The following CBLB variants were observed in gnomAD, a reference collection of about 807,000 sequenced individuals.
The protein encoded by CBLB is E3 ubiquitin-protein ligase CBL-B.
Under a neutral mutation model 104.9 loss-of-function variants are expected in CBLB, and 31 were observed. That is an observed-to-expected ratio of 0.30 (90% CI 0.22 to 0.40). The LOEUF (loss-of-function observed/expected upper bound fraction) is 0.40, where lower values mean the gene tolerates loss of function less well. Ranked by LOEUF, CBLB falls within the 10% of genes least tolerant of loss-of-function variation. The pLI is 1.00. For missense variants in CBLB, 1,062 were observed against 1,214.6 expected (o/e 0.87, Z 1.87); for synonymous variants, 440 against 422.6 (o/e 1.04, Z -0.51).
chr3:105,788,576 T>C (rs1025237092), intron 3 of CBLB, among the ~76,000 whole-genome samples: 3 of 152,230 alleles, frequency 2.0e-5, no homozygotes, highest in African/African-American at 7.2e-5. Context: ...ACTTAGTAAC[T>C]AGATGACCTC....
Position 105,839,456 on chromosome 3 carries a change from A to G in CBLB, c.419+13958T>C, listed in dbSNP as rs769406240. ...TTGCCTTTAGAAGATCACAATGGTA[A>G]TTCACAAAGAACTGCTGGCAGAGAT... On this transcript the variant is annotated intron_variant, in intron 3 of 18. Coordinates refer to ENST00000394030, the MANE Select transcript of CBLB (RefSeq NM_170662.5). 67 of 152,242 alleles carry G rather than the reference A, an allele frequency of 4.4e-4. 1 individual carries two copies. The highest frequency in any genetic ancestry group is 1.2e-3 in the Admixed American group (19 of 15,294). 9.4% of individuals were successfully genotyped at this position (152,242 alleles called of 1,614,324 possible). A position where few individuals can be genotyped will look rare whatever the true frequency, so the allele number is the denominator to read the frequency against.
chr3:105,666,024 C>CAA (rs34981931), intron 18 of CBLB, among the ~76,000 whole-genome samples: 3 of 130,210 alleles, frequency 2.3e-5, no homozygotes, highest in Non-Finnish European at 3.3e-5. Context: ...AGACTCGTCT[C>CAA]AAAAAAAAAA....
At chr3:105,661,198 C>T (rs2063760004) in intron 18 of CBLB, among the ~76,000 whole-genome samples, 1 of 152,062 alleles carries the variant, frequency 6.6e-6, no homozygotes, top group Admixed American at 6.6e-5. Flanking sequence ...TTAAAGTATG[C>T]CCATATATAA....
rs748358316 is a variant in CBLB, at chr3:105,853,469, T to C, written c.364A>G (p.Ile122Val). 9 of 1,613,226 alleles carry C rather than the reference T, an allele frequency of 5.6e-6. No individual in the cohort carries two copies. The highest frequency in any genetic ancestry group is 2.2e-5 in the East Asian group (1 of 44,810). ...TCCTTGCCTTCTTTAAAGAGTCTTATTGCCCGTTTTGACTTTTTCATAAGG... is the reference window on the plus strand; with the variant it reads ...TCCTTGCCTTCTTTAAAGAGTCTTACTGCCCGTTTTGACTTTTTCATAAGG... The part of the protein sequence containing the change: ...DSLMKKSKRA[I>V]RLFKEGKERM... Residue 122 changes from isoleucine (I) to valine (V), a missense_variant, in exon 3 of 19, where the codon ATA (isoleucine) becomes GTA (valine). This residue lies in a region of CBLB where 457 missense variants were observed against 632.0 expected (regional missense o/e 0.72). Transcript: ENST00000394030.
At position 105,868,288 on chromosome 3, in the gene CBLB, G is replaced by A. The variant is rs1260815275; in HGVS notation, c.-15+448C>T. ...ACAAGAGCGGCCACGGAAAGGAGGA[G>A]TTCACTTCTCTGGCTCCTCGCCTCT... On this transcript the variant is annotated intron_variant, in intron 1 of 18. Coordinates refer to ENST00000394030, the MANE Select transcript of CBLB (RefSeq NM_170662.5). The A allele has an allele frequency of 6.2e-6, 7 of 1,134,446 alleles. No individual in the cohort carries two copies. The African/African-American group carries it at 1.1e-4, about 18-fold the overall frequency. The allele number at this position is 1,134,446 out of a possible 1,614,324, so 70.3% of individuals were successfully genotyped here.
chr3:105,798,855 A>G lies in CBLB; in HGVS notation c.420-22313T>C, dbSNP rs2082524830. ...AAAATCTCCTAACTGCCTGCCTTAT[A>G]TGTGTGTGAGACAGAGGGGGTCAGG... On this transcript the variant is annotated intron_variant, in intron 3 of 18. Transcript: ENST00000394030. Among the ~76,000 whole-genome samples, 4 of 152,200 alleles carry G rather than the reference A, an allele frequency of 2.6e-5. 1 individual carries two copies. In the South Asian group the frequency reaches 8.3e-4, roughly 31 times the overall value.
intron 5 of CBLB, among the ~76,000 whole-genome samples, chr3:105,749,030 G>A (rs1182859441): frequency 6.6e-6 from 1 of 152,060 alleles, no homozygotes; most frequent in Non-Finnish European, 1.5e-5. Context: ...TTTTCATACA[G>A]AATATATAAA....
intron 7 of CBLB, among the ~76,000 whole-genome samples, chr3:105,739,536 T>C (rs867294414): frequency 3.9e-5 from 6 of 152,160 alleles, no homozygotes; most frequent in South Asian, 4.2e-4. Context: ...ATATTTACTA[T>C]GAAGGGGCCC....
intron 3 of CBLB, among the ~76,000 whole-genome samples, chr3:105,825,328 T>G (rs2153066679): frequency 6.6e-6 from 1 of 152,282 alleles, no homozygotes; most frequent in African/African-American, 2.4e-5. Flanking sequence ...TCCCATCTCC[T>G]TGTTTCCTCC....
intron 3 of CBLB, among the ~76,000 whole-genome samples, chr3:105,782,998 C>T (rs949318710): frequency 6.6e-5 from 10 of 152,292 alleles, no homozygotes; most frequent in African/African-American, 2.4e-4. Flanking sequence ...TTTAAATGGA[C>T]AACTTACAAA....
At chr3:105,835,550 C>A (rs1311526246) in intron 3 of CBLB, among the ~76,000 whole-genome samples, 2 of 152,174 alleles carry the variant, frequency 1.3e-5, no homozygotes. Flanking sequence ...CTAAGTCACA[C>A]TGAAACCCAG....
chr3:105,774,205 G>A (rs2079196058), intron 4 of CBLB, among the ~76,000 whole-genome samples: 1 of 152,140 alleles, frequency 6.6e-6, no homozygotes, highest in Non-Finnish European at 1.5e-5. Context: ...AATGAACAGT[G>A]AGATAAATGA....
intron 4 of CBLB, among the ~76,000 whole-genome samples, chr3:105,754,533 G>GAGAGAGAC (rs1560097187): frequency 9.4e-4 from 121 of 129,354 alleles, no homozygotes; most frequent in Admixed American, 2.3e-3. Context: ...CAGAGAGAGA[G>GAGAGAGAC]AGAGAGAGAG....
chr3:105,689,930 G>GT (rs2067466572), intron 13 of CBLB, among the ~76,000 whole-genome samples: 1 of 152,062 alleles, frequency 6.6e-6, no homozygotes, highest in Non-Finnish European at 1.5e-5. Flanking sequence ...TTTTACAACA[G>GT]TATGTTTTTT....
chr3:105,844,224 C>G (rs911243464), intron 3 of CBLB, among the ~76,000 whole-genome samples: 23 of 152,162 alleles, frequency 1.5e-4, no homozygotes, highest in Admixed American at 2.6e-4. Context: ...AGGGGCAAGG[C>G]CCTGCTGGCT....
At chr3:105,711,259 G>C (rs1482672038) in intron 10 of CBLB, among the ~76,000 whole-genome samples, 1 of 151,914 alleles carries the variant, frequency 6.6e-6, no homozygotes, top group South Asian at 2.1e-4. Flanking sequence ...GGTATATACA[G>C]TTACTATAAT....
At chr3:105,804,834 T>C (rs1430393307) in intron 3 of CBLB, among the ~76,000 whole-genome samples, 1 of 152,164 alleles carries the variant, frequency 6.6e-6, no homozygotes, top group Non-Finnish European at 1.5e-5. Flanking sequence ...CTTGAATTCA[T>C]TTATATATTC....
chr3:105,724,988 G>A (rs1280269505), intron 9 of CBLB, among the ~76,000 whole-genome samples: 3 of 152,134 alleles, frequency 2.0e-5, no homozygotes, highest in Non-Finnish European at 2.9e-5. Context: ...TATAGGATCA[G>A]CATGTAGTGG....
chr3:105,812,444 A>T (rs2084430698), intron 3 of CBLB, among the ~76,000 whole-genome samples: 1 of 152,206 alleles, frequency 6.6e-6, no homozygotes, highest in African/African-American at 2.4e-5. Context: ...CTGTGCCAAG[A>T]GCTATGCAAA....
Sources: gnomAD v4.1 joint callset for allele counts (sites outside exome capture counted in the v4.1 genomes callset) on GRCh38, gnomAD v4.1.1 for gene constraint, gnomAD v4.1.1 regional missense constraint, MANE v1.5 for transcripts, NCBI Gene and HGNC (gene_info 2026-07-23, HGNC 2026-07-21) for gene names.